KIAA1217: variants seen among roughly 807,000 people sequenced by gnomAD.
KIAA1217 encodes the protein KIAA1217, also known as sickle tail protein homolog.
Under a neutral mutation model 163.9 loss-of-function variants are expected in KIAA1217, and 88 were observed. That is an observed-to-expected ratio of 0.54 (90% confidence interval 0.45 to 0.64). The LOEUF (loss-of-function observed/expected upper bound fraction) is 0.64, where lower values mean the gene tolerates loss of function less well. KIAA1217 is among the 30% of genes least tolerant of loss of function. The pLI, the probability that KIAA1217 is intolerant of heterozygous loss-of-function variation, is 0.00. For missense variants in KIAA1217, 2,372 were observed against 2,475.0 expected (o/e 0.96, Z 0.88); for synonymous variants, 903 against 923.1 (o/e 0.98, Z 0.39).
chr10:23,700,990 C>A (rs966881028), intron 1 of KIAA1217, among the ~76,000 whole-genome samples: 2 of 152,062 alleles, frequency 1.3e-5, no homozygotes, highest in Admixed American at 6.5e-5. Flanking sequence ...AGAAGGTAGT[C>A]TGTAAATATT....
intron 1 of KIAA1217, among the ~76,000 whole-genome samples, chr10:23,722,303 T>C (rs560153926): frequency 5.9e-5 from 9 of 152,158 alleles, no homozygotes; most frequent in Non-Finnish European, 1.3e-4. Flanking sequence ...GATAGGACTA[T>C]GACAATAAGA....
intron 2 of KIAA1217, among the ~76,000 whole-genome samples, chr10:24,316,692 C>CA (rs2043422291): frequency 6.6e-6 from 1 of 152,266 alleles, no homozygotes; most frequent in Admixed American, 6.5e-5. Context: ...CAGGATACCC[C>CA]ATCCCATTTC....
chr10:23,845,858 GT>G (rs1185065709), intron 1 of KIAA1217, among the ~76,000 whole-genome samples: 1 of 152,098 alleles, frequency 6.6e-6, no homozygotes, highest in Non-Finnish European at 1.5e-5. Context: ...GATTTTTATG[GT>G]TTTAGGTCTT....
chr10:23,898,925 C>G (rs1052040375), intron 1 of KIAA1217, among the ~76,000 whole-genome samples: 5 of 152,052 alleles, frequency 3.3e-5, no homozygotes, highest in African/African-American at 1.2e-4. Flanking sequence ...CTTTTAAAGG[C>G]AAAATGTTGA....
intron 3 of KIAA1217, among the ~76,000 whole-genome samples, chr10:24,383,487 T>C (rs1591484515): frequency 6.6e-6 from 1 of 152,114 alleles, no homozygotes; most frequent in Admixed American, 6.5e-5. Flanking sequence ...TGGCTGAGGG[T>C]GGCGGGTGTT....
At chr10:23,787,295 G>C (rs1204998145) in intron 1 of KIAA1217, among the ~76,000 whole-genome samples, 3 of 152,152 alleles carry the variant, frequency 2.0e-5, no homozygotes. Context: ...AGAGATTTAT[G>C]TCATTTGACT....
chr10:24,160,726 G>A (rs936287230), intron 2 of KIAA1217, among the ~76,000 whole-genome samples: 4 of 152,110 alleles, frequency 2.6e-5, no homozygotes, highest in African/African-American at 9.7e-5. Flanking sequence ...TAACTGTGCT[G>A]TCCTCTTTTG....
At chr10:24,112,010 G>T (rs11013900) in intron 2 of KIAA1217, among the ~76,000 whole-genome samples, 2 of 151,780 alleles carry the variant, frequency 1.3e-5, no homozygotes, top group African/African-American at 4.8e-5. Context: ...TATGTTGCCC[G>T]GGCTGGTTTT....
chr10:24,115,582 A>T (rs2063020204), intron 2 of KIAA1217, among the ~76,000 whole-genome samples: 1 of 152,208 alleles, frequency 6.6e-6, no homozygotes, highest in Non-Finnish European at 1.5e-5. Context: ...CTTCCTGCTC[A>T]CAGTGAGATC....
chr10:24,270,896 C>T (rs951730867), intron 2 of KIAA1217, among the ~76,000 whole-genome samples: 1 of 152,096 alleles, frequency 6.6e-6, no homozygotes, highest in East Asian at 1.9e-4. Context: ...AATGTGTCCC[C>T]CCACCTATAT....
intron 2 of KIAA1217, among the ~76,000 whole-genome samples, chr10:24,055,066 A>T (rs960799358): frequency 2.0e-5 from 3 of 152,112 alleles, no homozygotes; most frequent in African/African-American, 7.2e-5. Context: ...CAGGAGTTGG[A>T]GACCATCCCA....
intron 5 of KIAA1217, among the ~76,000 whole-genome samples, chr10:24,465,848 TG>T (rs1439240711): frequency 6.6e-6 from 1 of 152,154 alleles, no homozygotes; most frequent in African/African-American, 2.4e-5. Flanking sequence ...TCCTTCATCT[TG>T]TTTAGGGTGG....
intron 2 of KIAA1217, among the ~76,000 whole-genome samples, chr10:24,169,536 C>T (rs1313301253): frequency 2.0e-5 from 3 of 152,178 alleles, no homozygotes; most frequent in African/African-American, 7.2e-5. Flanking sequence ...CCTGCCATAA[C>T]TGAATACCTA....
At chr10:23,921,699 C>T (rs117125091) in intron 1 of KIAA1217, among the ~76,000 whole-genome samples, 3,191 of 152,112 alleles carry the variant, frequency 0.021, 62 homozygotes, top group Admixed American at 0.064. Flanking sequence ...AGCAGGTGCA[C>T]CCCCCTGGCT....
At chr10:24,497,313 T>C (rs770573170) in intron 8 of KIAA1217, among the ~76,000 whole-genome samples, 2 of 152,204 alleles carry the variant, frequency 1.3e-5, no homozygotes, top group Non-Finnish European at 2.9e-5. Context: ...AAGGTTTTTA[T>C]ACTGAGCATT....
At chr10:23,813,379 T>A (rs1412070643) in intron 1 of KIAA1217, among the ~76,000 whole-genome samples, 1 of 152,046 alleles carries the variant, frequency 6.6e-6, no homozygotes, top group African/African-American at 2.4e-5. Context: ...TATTTTTTTG[T>A]TTTGTGTCAC....
intron 1 of KIAA1217, among the ~76,000 whole-genome samples, chr10:23,934,557 G>GTATATATATATATA (rs778185120): frequency 9.0e-5 from 4 of 44,340 alleles, no homozygotes; most frequent in East Asian, 4.7e-4. Flanking sequence ...GGTCTTTAAA[G>GTATATATATATATA]TATATATATA....
At chr10:24,495,240 TG>T in intron 8 of KIAA1217, 44 bp downstream of exon 8, 1 of 1,509,396 alleles carries the variant, frequency 6.6e-7, no homozygotes, top group East Asian at 2.3e-5. Context: ...GTGGGCTGCC[TG>T]GGATGAGCCC....
At chr10:23,836,932 AGG>A (rs752953207) in intron 1 of KIAA1217, among the ~76,000 whole-genome samples, 6 of 70,752 alleles carry the variant, frequency 8.5e-5, no homozygotes, top group Non-Finnish European at 1.8e-4. Context: ...GAAGGAAGGA[AGG>A]GAGGGAGGGA....
Sources: allele counts gnomAD v4.1 joint callset (sites outside exome capture counted in the v4.1 genomes callset), GRCh38; gene constraint gnomAD v4.1.1; transcripts MANE v1.5; gene names NCBI Gene and HGNC (gene_info 2026-07-23, HGNC 2026-07-21).